The following ZP3 variants were observed in gnomAD, a reference collection of about 807,000 sequenced individuals.
ZP3 encodes zona pellucida sperm-binding protein 3.
In ZP3, 21 loss-of-function variants were observed where a neutral mutation model predicts 35.6. The observed-to-expected ratio is 0.59, with a 90% CI of 0.42 to 0.85. The LOEUF is 0.85. ZP3 is among the 40% of genes least tolerant of loss of function. The pLI, the probability that ZP3 is intolerant of heterozygous loss-of-function variation, is 0.00. For missense variants in ZP3, 437 were observed against 536.5 expected (o/e 0.81, Z 1.83); for synonymous variants, 207 against 214.5 (o/e 0.96, Z 0.31).
intron 3 of ZP3, among the ~76,000 whole-genome samples, chr7:76,433,238 C>T (rs1805889869): frequency 6.7e-6 from 1 of 148,210 alleles, no homozygotes; most frequent in South Asian, 2.1e-4. Flanking sequence ...ACTGCAGTCT[C>T]CACCTCCTGG....
chr7:76,417,626 T>G (rs928760935), intron 1 of ZP3, among the ~76,000 whole-genome samples: 4 of 151,808 alleles, frequency 2.6e-5, no homozygotes, highest in Non-Finnish European at 5.9e-5. Flanking sequence ...TTTTTTTTTT[T>G]TCGAGACAAG....
rs534473985 is a variant in ZP3 at position 76,425,135 on chromosome 7, A to G, written c.171A>G (p.Lys57=). Residue 57 remains lysine (K), a synonymous_variant, in exon 1 of 8, where the codon AAA becomes AAG. Transcript: ENST00000394857. ...CCACTCTGATGGTCATGGTCAGCAA[A>G]GACCTTTTTGGCACCGGGAAGCTCA... ...QEATLMVMVS[K]DLFGTGKLIR... The G allele has an allele frequency of 6.2e-7, 1 of 1,613,944 alleles. No homozygotes were observed. Among genetic ancestry groups the G allele is most frequent in the African/African-American group, 1.3e-5 (1 of 75,022 alleles).
At position 76,432,971 on chromosome 7, in the gene ZP3, C is replaced by T; in HGVS notation, c.476C>T (p.Pro159Leu). Residue 159 changes from proline (P) to leucine (L), a missense_variant, in exon 3 of 8, where the codon CCC (proline) becomes CTC (leucine). Physicochemically the swap from Pro to Leu is moderately conservative, Grantham distance 98. This residue lies in a region of ZP3 where 352 missense variants were observed against 308.4 expected (regional missense o/e 1.14). Coordinates refer to ENST00000394857, the MANE Select transcript of ZP3 (RefSeq NM_001110354.2). ...SSQAILPTWL[P>L]FRTTVFSEEK... ...CAGGCCATCCTGCCCACCTGGTTGCCCTTCAGGACCACGGTGTTCTCAGAG... is the reference window on the plus strand; with the variant it reads ...CAGGCCATCCTGCCCACCTGGTTGCTCTTCAGGACCACGGTGTTCTCAGAG... The T allele has an allele frequency of 6.2e-7, 1 of 1,614,124 alleles. No individual in the cohort carries two copies. The highest frequency in any genetic ancestry group is 8.5e-7 in the Non-Finnish European group (1 of 1,180,026).
Position 76,398,716 on chromosome 7 carries a change from G to T in ZP3, c.-67+919G>T, listed in dbSNP as rs377060944. ...CAGGTGGTGCCCACATTATGCTTAC[G>T]TACTTTTTCCATTCGGCAGTGTCGT... On this transcript the variant is annotated intron_variant, in intron 1 of 8. Transcript: ENST00000336517. 1.9e-6 allele frequency: 3 copies of T among 1,612,568 alleles called. No individual in the cohort carries two copies. In the South Asian group the frequency reaches 3.3e-5, roughly 18 times the overall value.
Position 76,435,737 on chromosome 7 carries a change from T to C in ZP3, c.831+1582T>C, listed in dbSNP as rs1309779314. On this transcript the variant is annotated intron_variant, in intron 5 of 7. Transcript: ENST00000394857. ...ATCTAGGTTCTACCACCAGCATTTT[T>C]TTTTTTTTTTTGAGACAGTCTCACT... Among the ~76,000 whole-genome samples the C allele has an allele frequency of 1.4e-3, 217 of 151,472 alleles. 5 individuals are homozygous for C. The highest frequency in any genetic ancestry group is 1.9e-4 in the Non-Finnish European group (13 of 67,902).
At chr7:76,400,944 C>T in intron 1 of ZP3, 1 of 1,548,342 alleles carries the variant, frequency 6.5e-7, no homozygotes, top group African/African-American at 1.4e-5. Context: ...CTGTGGTTCC[C>T]TGTCTGAGGC....
chr7:76,429,765 G>A, intron 2 of ZP3, 132 bp downstream of exon 2: 2 of 794,050 alleles, frequency 2.5e-6, no homozygotes, highest in Non-Finnish European at 4.3e-6. Context: ...TTGCAGCTGT[G>A]GTTACTGTAC....
Position 76,440,274 on chromosome 7 carries a change from G to T in ZP3, c.856G>T (p.Val286Phe). ...GATATACATCACCTGCCACCTGAAG[G>T]TCACCCTAGCTGAGCAGGACCCAGA... Reference protein sequence around the residue: ...NMIYITCHLKVTLAEQDPDEL... With the variant: ...NMIYITCHLKFTLAEQDPDEL... The change falls in exon 6 of 8, where the codon GTC (valine) becomes TTC (phenylalanine). Residue 286 changes from valine (V) to phenylalanine (F), a missense_variant. This residue lies in a region of ZP3 where 26 missense variants were observed against 78.2 expected (regional missense o/e 0.33). Coordinates refer to ENST00000394857, the MANE Select transcript of ZP3 (RefSeq NM_001110354.2). 6.2e-7 allele frequency: 1 copy of T among 1,611,128 alleles called. No individual in the cohort carries two copies. Among genetic ancestry groups the T allele is most frequent in the South Asian group, 1.1e-5 (1 of 90,700 alleles).
At chr7:76,433,425 G>A (rs370736712) in intron 3 of ZP3, 45 bp from the exon 4 acceptor site, 23 of 1,586,774 alleles carry the variant, frequency 1.4e-5, no homozygotes, top group Middle Eastern at 1.8e-4. Flanking sequence ...AAGGTGCTGG[G>A]ATTACAGGCA....
rs764458859 is a variant in ZP3 at position 76,425,166 on chromosome 7, G to T, written c.202G>T (p.Ala68Ser). 6.2e-7 allele frequency: 1 copy of T among 1,614,014 alleles called. No individual in the cohort carries two copies. The highest frequency in any genetic ancestry group is 8.5e-7 in the Non-Finnish European group (1 of 1,180,028). Residue 68 changes from alanine (A) to serine (S), a missense_variant, in exon 1 of 8, where the codon GCT becomes TCT. Coordinates refer to ENST00000394857, the MANE Select transcript of ZP3 (RefSeq NM_001110354.2). Reference sequence around the variant, plus strand: ...TTTTGGCACCGGGAAGCTCATCAGGGCTGCTGACCTCACCTTGGGCCCAGA... The same window carrying T: ...TTTTGGCACCGGGAAGCTCATCAGGTCTGCTGACCTCACCTTGGGCCCAGA... The part of the protein sequence containing the change: ...DLFGTGKLIR[A>S]ADLTLGPEAC...
intron 5 of ZP3, among the ~76,000 whole-genome samples, chr7:76,438,871 C>T (rs374004453): frequency 0.071 from 7,395 of 103,546 alleles, no homozygotes; most frequent in East Asian, 0.14. Context: ...CAGTGGCTCA[C>T]GCCTGTAATC....
At chr7:76,439,167 A>AT (rs1232456449) in intron 5 of ZP3, among the ~76,000 whole-genome samples, 1 of 144,744 alleles carries the variant, frequency 6.9e-6, no homozygotes, top group Non-Finnish European at 1.5e-5. Context: ...TAAGTCTGAA[A>AT]TGGAAACTCC....
chr7:76,410,274 G>A (rs937962701), intron 1 of ZP3, among the ~76,000 whole-genome samples: 2 of 151,846 alleles, frequency 1.3e-5, no homozygotes, highest in African/African-American at 2.4e-5. Flanking sequence ...CAAGGGATCC[G>A]CCTGCCTCGG....
chr7:76,409,335 A>ATGT (rs1483634395), intron 1 of ZP3: 19 of 147,964 alleles, frequency 1.3e-4, no homozygotes, highest in African/African-American at 4.9e-4. Context: ...ACACACACAC[A>ATGT]CACACACACA....
At chr7:76,416,643 C>CA (rs564683306) in intron 1 of ZP3, among the ~76,000 whole-genome samples, 263 of 151,560 alleles carry the variant, frequency 1.7e-3, no homozygotes, top group African/African-American at 6.1e-3. Context: ...TCTGTCTCTA[C>CA]AAAAAAATAG....
chr7:76,423,662 CTG>C (rs1300081462), upstream of ZP3, among the ~76,000 whole-genome samples: 1 of 152,062 alleles, frequency 6.6e-6, no homozygotes, highest in African/African-American at 2.4e-5. Context: ...TGGCTCATGT[CTG>C]TAATCCCAGC....
At chr7:76,397,707 A>T in exon 1 of ZP3, 2 of 1,613,444 alleles carry the variant, frequency 1.2e-6, no homozygotes, top group South Asian at 2.2e-5. Context: ...AGCTGACGAC[A>T]GACCACAGCG....
At chr7:76,423,031 GAAAGAAAGAAAGAAAGAA>G (rs1563695478), upstream of ZP3, among the ~76,000 whole-genome samples, 6 of 114,588 alleles carry the variant, frequency 5.2e-5, no homozygotes, top group East Asian at 6.4e-4. Flanking sequence ...GAGAGAGAAA[GAAAGAAAGAAAGAAAGAA>G]AGAAAGAAAG....
intron 1 of ZP3, chr7:76,397,831 A>G: frequency 1.9e-6 from 3 of 1,564,000 alleles, no homozygotes; most frequent in Non-Finnish European, 2.6e-6. Context: ...CGCTGCCCTC[A>G]CCTGGGGATG....
Sources: gnomAD v4.1 joint callset for allele counts (sites outside exome capture counted in the v4.1 genomes callset) on GRCh38, gnomAD v4.1.1 for gene constraint, gnomAD v4.1.1 regional missense constraint, MANE v1.5 for transcripts, NCBI Gene and HGNC (gene_info 2026-07-23, HGNC 2026-07-21) for gene names.